Variants in BTK observed in about 807,000 individuals in gnomAD.
BTK encodes the protein tyrosine-protein kinase BTK.
In BTK, 5 loss-of-function variants were observed where a neutral mutation model predicts 57.4. That is an observed-to-expected ratio of 0.09 (90% CI 0.05 to 0.18). The LOEUF (loss-of-function observed/expected upper bound fraction) is 0.18, where lower values mean the gene tolerates loss of function less well. BTK is among the 10% of genes least tolerant of loss of function. BTK has a pLI of 1.00. For missense variants in BTK, 194 were observed against 501.2 expected, an observed-to-expected ratio of 0.39 and a Z score of 5.85; for synonymous variants, 154 against 174.3, an observed-to-expected ratio of 0.88 and a Z score of 0.92.
intron 1 of BTK, chrX:101,378,083 ATTTTTTTT>A (rs536846518): frequency 2.2e-5 from 2 of 90,076 alleles, no homozygotes; most frequent in Non-Finnish European, 4.3e-5. Context: ...GAAAGGCCCC[ATTTTTTTT>A]TTTTTTTTTT....
intron 4 of BTK, among the ~76,000 whole-genome samples, 193 bp from the exon 5 acceptor site, chrX:101,370,272 T>C (rs1926984043): frequency 8.9e-6 from 1 of 112,134 alleles, no homozygotes; most frequent in African/African-American, 3.2e-5. Context: ...TATCTAGGAA[T>C]GTAGCGTTTA....
At chrX:101,350,088 G>GTA in intron 18 of BTK, 132 bp from the exon 19 acceptor site, 1 of 288,173 alleles carries the variant, frequency 3.5e-6, no homozygotes, top group Non-Finnish European at 5.8e-6. Flanking sequence ...GATTACAAAA[G>GTA]GAAAAAAAAA....
intron 1 of BTK, among the ~76,000 whole-genome samples, chrX:101,380,793 A>G (rs1217987113): frequency 9.1e-6 from 1 of 109,722 alleles, no homozygotes; most frequent in African/African-American, 3.3e-5. Flanking sequence ...CGGGTGGATG[A>G]CAAGGTCAGG....
chrX:101,361,534 G>C (rs1213996552), intron 7 of BTK, among the ~76,000 whole-genome samples: 1 of 108,134 alleles, frequency 9.2e-6, no homozygotes, highest in Non-Finnish European at 1.9e-5. Flanking sequence ...AAAAACTTCT[G>C]AAGTGTTAGT....
At chrX:101,367,068 A>C (rs1278398802) in intron 5 of BTK, among the ~76,000 whole-genome samples, 1 of 109,629 alleles carries the variant, frequency 9.1e-6, no homozygotes, top group African/African-American at 3.3e-5. Flanking sequence ...ACATGATGAA[A>C]CCCTGTCTCT....
intron 1 of BTK, among the ~76,000 whole-genome samples, chrX:101,375,714 A>G (rs1393947528): frequency 8.9e-6 from 1 of 112,439 alleles, no homozygotes; most frequent in Non-Finnish European, 1.9e-5. Context: ...CCCAGAAGGG[A>G]TAATGCAGGT....
At chrX:101,381,429 C>T (rs1555981731) in intron 1 of BTK, among the ~76,000 whole-genome samples, 1 of 111,891 alleles carries the variant, frequency 8.9e-6, no homozygotes, top group African/African-American at 3.3e-5. Flanking sequence ...TATCAACTAT[C>T]TCTAGTGGGA....
At chrX:101,389,617 G>T (rs3027599), upstream of BTK, among the ~76,000 whole-genome samples, 6,866 of 111,089 alleles carry the variant, frequency 0.062, 544 homozygotes, top group African/African-American at 0.21. Flanking sequence ...GACTCTCACG[G>T]TTCTTCAGCC....
intron 1 of BTK, 87 bp from the exon 2 acceptor site, chrX:101,375,401 T>G: frequency 1.0e-6 from 1 of 953,244 alleles, no homozygotes; most frequent in Admixed American, 2.3e-5. Context: ...TAGTTTCAAA[T>G]GGAACAAAAA....
At chrX:101,364,961 C>T (rs1039592642) in intron 5 of BTK, among the ~76,000 whole-genome samples, 1 of 111,075 alleles carries the variant, frequency 9.0e-6, no homozygotes, top group Non-Finnish European at 1.9e-5. Context: ...AGGATGGTCT[C>T]GAACTTCTGA....
intron 18 of BTK, 107 bp from the exon 19 acceptor site, chrX:101,350,063 G>T: frequency 2.0e-6 from 1 of 502,256 alleles, no homozygotes; most frequent in African/African-American, 2.5e-5. Context: ...TCTATGCCCA[G>T]TAGCATGCCC....
In BTK at chrX:101,374,629, T is replaced by C; in HGVS notation, c.147A>G (p.Arg49=). Reference sequence around the variant, plus strand: ...CATCTATTGAACCCTTCTTACTGCCTCTTCTCTGAGAAGTAGAATGAGGAA... The same window carrying C: ...CATCTATTGAACCCTTCTTACTGCCCCTTCTCTGAGAAGTAGAATGAGGAA... ...YYEYDFERGR[R]GSKKGSIDVE... The change falls in exon 3 of 19, where the codon AGA becomes AGG. Residue 49 remains arginine (R), a synonymous_variant. Transcript: ENST00000308731. 8.4e-7 allele frequency: 1 copy of C among 1,194,481 alleles called. No individual in the cohort carries two copies. Among genetic ancestry groups the C allele is most frequent in the Non-Finnish European group, 1.1e-6 (1 of 879,869 alleles).
rs2147443453 is a variant in BTK at position 101,370,052 on chromosome X, C to T, written c.337G>A (p.Val113Ile). ...QVVYDEGPLYVFSPTEELRKR... is the reference protein window; with the variant it reads ...QVVYDEGPLYIFSPTEELRKR... ...CTTAGTTCTTCAGTTGGGGAGAAGA[C>T]GTAGAGAGGCCCTTCATCATATACA... The change falls in exon 5 of 19, where the codon GTC (valine) becomes ATC (isoleucine). Residue 113 changes from valine (V) to isoleucine (I), a missense_variant. This residue lies in a region of BTK where 115 missense variants were observed against 258.3 expected (regional missense o/e 0.45). Coordinates refer to ENST00000308731, the MANE Select transcript of BTK (RefSeq NM_000061.3). 6.6e-6 allele frequency: 8 copies of T among 1,210,193 alleles called. No homozygotes were observed. The highest frequency in any genetic ancestry group is 8.9e-6 in the Non-Finnish European group (8 of 894,399).
intron 15 of BTK, 142 bp downstream of exon 15, chrX:101,355,910 G>C (rs1926461905): frequency 3.1e-6 from 2 of 638,494 alleles, no homozygotes; most frequent in Non-Finnish European, 5.2e-6. Flanking sequence ...CTGGGGCAGA[G>C]GCACGCCTAA....
At chrX:101,376,402 C>A (rs781852122) in intron 1 of BTK, among the ~76,000 whole-genome samples, 17 of 111,831 alleles carry the variant, frequency 1.5e-4, no homozygotes, top group Non-Finnish European at 2.4e-4. Context: ...CCGAGGCTGG[C>A]GGATCACCTG....
intron 4 of BTK, among the ~76,000 whole-genome samples, chrX:101,370,513 T>C (rs1222774130): frequency 1.8e-5 from 2 of 111,787 alleles, no homozygotes; most frequent in Non-Finnish European, 3.8e-5. Context: ...TTCACTTGGA[T>C]AATATGGAGT....
intron 11 of BTK, 77 bp from the exon 12 acceptor site, chrX:101,358,514 T>G: frequency 8.4e-7 from 1 of 1,194,024 alleles, no homozygotes; most frequent in East Asian, 3.0e-5. Flanking sequence ...AGATGAGTTT[T>G]GAGTTTCAGA....
chrX:101,356,343 G>A (rs1410871068), intron 14 of BTK, 75 bp from the exon 15 acceptor site: 2 of 870,644 alleles, frequency 2.3e-6, no homozygotes, highest in African/African-American at 4.0e-5. Context: ...GGGAGGAAGG[G>A]GCTGACCTAG....
At chrX:101,383,118 A>G (rs1927504905) in intron 1 of BTK, among the ~76,000 whole-genome samples, 1 of 112,113 alleles carries the variant, frequency 8.9e-6, no homozygotes, top group Admixed American at 9.5e-5. Context: ...ATATATCGGC[A>G]TATTCCTTCC....
Sources: gnomAD v4.1 joint callset for allele counts (sites outside exome capture counted in the v4.1 genomes callset) on GRCh38, gnomAD v4.1.1 for gene constraint, gnomAD v4.1.1 regional missense constraint, MANE v1.5 for transcripts, NCBI Gene and HGNC (gene_info 2026-07-23, HGNC 2026-07-21) for gene names.